Variants in TK2 observed in about 807,000 individuals in gnomAD.
TK2 encodes the protein thymidine kinase 2, also known as thymidine kinase 2, mitochondrial.
TK2 carries 35 observed loss-of-function variants against 41.9 expected under a neutral mutation model. The ratio of observed to expected loss-of-function variants is 0.84; its 90% CI spans 0.64 to 1.11. The LOEUF (loss-of-function observed/expected upper bound fraction) is 1.11, where lower values mean the gene tolerates loss of function less well. Ranked by LOEUF, TK2 falls within the 50% of genes least tolerant of loss-of-function variation. The pLI, the probability that TK2 is intolerant of heterozygous loss-of-function variation, is 0.00. For missense variants in TK2, 320 were observed against 351.1 expected (o/e 0.91, Z 0.71); for synonymous variants, 128 against 129.1 (o/e 0.99, Z 0.06).
intron 6 of TK2, among the ~76,000 whole-genome samples, chr16:66,518,942 A>G (rs971681979): frequency 6.6e-6 from 1 of 151,752 alleles, no homozygotes; most frequent in African/African-American, 2.4e-5. Context: ...GCATTACTAC[A>G]TATTTTAGTT....
chr16:66,531,786 A>G lies in TK2; in HGVS notation c.286-317T>C, dbSNP rs546910058. Among the ~76,000 whole-genome samples the G allele has an allele frequency of 1.8e-4, 28 of 152,360 alleles. No individual in the cohort carries two copies. In the South Asian group the frequency reaches 5.6e-3, roughly 30 times the overall value. ...GTCATCTTAACCTTGTTCACGGACA[A>G]CATGATCTTACACTTAGAAAAGCTT... On this transcript the variant is annotated intron_variant, in intron 4 of 9. Coordinates refer to ENST00000544898, the MANE Select transcript of TK2 (RefSeq NM_004614.5).
chr16:66,550,129 C>A (rs1297105648), upstream of TK2: 6 of 1,612,066 alleles, frequency 3.7e-6, no homozygotes, highest in Non-Finnish European at 5.1e-6. Flanking sequence ...GACTGCTAGT[C>A]CAGCCGTTGG....
At chr16:66,535,093 A>G (rs925485033) in intron 4 of TK2, among the ~76,000 whole-genome samples, 1 of 152,198 alleles carries the variant, frequency 6.6e-6, no homozygotes, top group Non-Finnish European at 1.5e-5. Context: ...AAAATCTCAT[A>G]AAGGCTAGGA....
intron 8 of TK2, among the ~76,000 whole-genome samples, chr16:66,515,662 G>A (rs1467471578): frequency 2.6e-5 from 4 of 152,218 alleles, no homozygotes; most frequent in Admixed American, 6.5e-5. Context: ...CTTGGATCAC[G>A]GCTTGGACGG....
intron 3 of TK2, among the ~76,000 whole-genome samples, chr16:66,541,058 C>T (rs1965441686): frequency 1.3e-5 from 2 of 152,188 alleles, no homozygotes; most frequent in Non-Finnish European, 1.5e-5. Context: ...TGAAAAATTC[C>T]ACACATAAAT....
In TK2 at chr16:66,517,017, G is replaced by A; in HGVS notation, c.618+119C>T. On this transcript the variant is annotated intron_variant, in intron 8 of 9. Transcript: ENST00000544898. The surrounding 1 kb of genome is among the most constrained non-coding windows in gnomAD (Gnocchi z 4.3). Reference sequence around the variant, plus strand: ...TCACCCTCTGATACACTTGGTTCCTGTTCTCTCTCTGCAAACAAGGGCACA... The same window carrying A: ...TCACCCTCTGATACACTTGGTTCCTATTCTCTCTCTGCAAACAAGGGCACA... The A allele has an allele frequency of 1.1e-6, 1 of 918,586 alleles. No homozygotes were observed. Among genetic ancestry groups the A allele is most frequent in the Admixed American group, 1.7e-5 (1 of 58,944 alleles). 56.9% of individuals were successfully genotyped at this position (918,586 alleles called of 1,614,324 possible).
At chr16:66,534,737 C>A (rs1043906304) in intron 4 of TK2, among the ~76,000 whole-genome samples, 2 of 152,372 alleles carry the variant, frequency 1.3e-5, no homozygotes, top group South Asian at 2.1e-4. Flanking sequence ...CAGAAGCCAA[C>A]CCACCTACTC....
chr16:66,515,982 G>T (rs1964600461), intron 8 of TK2, among the ~76,000 whole-genome samples: 1 of 152,198 alleles, frequency 6.6e-6, no homozygotes, highest in Non-Finnish European at 1.5e-5. Flanking sequence ...TCTCCCTCCA[G>T]TGGCAGCTTC....
chr16:66,529,899 T>C (rs1443875338), intron 5 of TK2, among the ~76,000 whole-genome samples: 1 of 152,202 alleles, frequency 6.6e-6, no homozygotes, highest in African/African-American at 2.4e-5. Context: ...TCCCCATTCA[T>C]CCCTCTGGTC....
intron 4 of TK2, among the ~76,000 whole-genome samples, chr16:66,533,261 C>T (rs560156565): frequency 7.2e-4 from 94 of 130,924 alleles, no homozygotes; most frequent in African/African-American, 2.6e-3. Context: ...TTAGTAGAGA[C>T]GGGGTTTCAC....
chr16:66,539,533 G>C (rs758108349), intron 3 of TK2, among the ~76,000 whole-genome samples: 2 of 150,594 alleles, frequency 1.3e-5, no homozygotes, highest in Admixed American at 6.6e-5. Context: ...CCCAGGAGGC[G>C]GAGGTTGCAG....
intron 1 of TK2, 155 bp downstream of exon 1, chr16:66,549,783 C>T (rs754155038): frequency 1.6e-4 from 202 of 1,284,066 alleles, no homozygotes; most frequent in East Asian, 1.3e-4. Context: ...GCCCGGGTAA[C>T]GGCCGATGGC....
chr16:66,549,078 A>T, intron 1 of TK2, 69 bp from the exon 2 acceptor site: 1 of 1,603,448 alleles, frequency 6.2e-7, no homozygotes, highest in South Asian at 1.1e-5. Flanking sequence ...AATTTGCTAC[A>T]TGACCACAAA....
At chr16:66,533,995 G>C (rs1221885454) in intron 4 of TK2, among the ~76,000 whole-genome samples, 2 of 106,220 alleles carry the variant, frequency 1.9e-5, no homozygotes, top group Non-Finnish European at 3.5e-5. Flanking sequence ...GCGACAGAGT[G>C]AGACTCTGTC....
chr16:66,539,410 C>T (rs1046435178), intron 3 of TK2, among the ~76,000 whole-genome samples: 1 of 152,078 alleles, frequency 6.6e-6, no homozygotes, highest in Admixed American at 6.5e-5. Context: ...ACCAGCCTGG[C>T]CAACATGGTG....
At chr16:66,522,452 T>C (rs146398279) in intron 6 of TK2, among the ~76,000 whole-genome samples, 1 of 152,340 alleles carries the variant, frequency 6.6e-6, no homozygotes, top group African/African-American at 2.4e-5. Flanking sequence ...CCAGGCAATC[T>C]TGTAAAACCT....
chr16:66,535,944 C>T (rs1035852400), intron 4 of TK2, among the ~76,000 whole-genome samples: 1 of 152,176 alleles, frequency 6.6e-6, no homozygotes, highest in African/African-American at 2.4e-5. Context: ...GTGGCTCACG[C>T]CCGTAATCCC....
intron 9 of TK2, among the ~76,000 whole-genome samples, chr16:66,513,093 T>C (rs1173715835): frequency 6.6e-6 from 1 of 152,196 alleles, no homozygotes; most frequent in African/African-American, 2.4e-5. Flanking sequence ...CACTGCTTAT[T>C]TGTCTGAGTA....
intron 2 of TK2, among the ~76,000 whole-genome samples, chr16:66,546,834 C>T (rs539265353): frequency 9.2e-4 from 140 of 152,002 alleles, no homozygotes; most frequent in African/African-American, 3.2e-3. Flanking sequence ...TCACTGCAGC[C>T]TTGACCTCCC....
Sources: allele counts gnomAD v4.1 joint callset (sites outside exome capture counted in the v4.1 genomes callset), GRCh38; gene constraint gnomAD v4.1.1; non-coding constraint Gnocchi (gnomAD v3.1); transcripts MANE v1.5; gene names NCBI Gene and HGNC (gene_info 2026-07-23, HGNC 2026-07-21).